Variants in EIF5 observed in about 807,000 individuals in gnomAD.
EIF5 encodes eukaryotic translation initiation factor 5.
Under a neutral mutation model 48.3 loss-of-function variants are expected in EIF5, and 10 were observed. The observed-to-expected ratio is 0.21, with a 90% CI of 0.13 to 0.35. The LOEUF is 0.35. EIF5 is among the 10% of genes least tolerant of loss of function. EIF5 has a pLI of 1.00. For missense variants in EIF5, 397 were observed against 533.2 expected (o/e 0.74, Z 2.51); for synonymous variants, 237 against 173.1 (o/e 1.37, Z -2.90).
At position 103,343,362 on chromosome 14, in the gene EIF5, CTG is replaced by C. The variant is rs1194823442; in HGVS notation, c.*2313_*2314del. 2.0e-5 allele frequency: 3 copies of C among 152,186 alleles called. No homozygotes were observed. The highest frequency in any genetic ancestry group is 4.4e-5 in the Non-Finnish European group (3 of 68,042). 9.4% of individuals were successfully genotyped at this position (152,186 alleles called of 1,614,324 possible). On this transcript the variant is annotated 3_prime_UTR_variant, in exon 12 of 12. Transcript: ENST00000216554. The stretch of plus-strand genomic sequence containing the variant: ...CACTGGCTTTATTTGCTAGTCTTGT[CTG>C]TGAACTGAGCATCTGCCTCAGTTTT...
At position 103,336,032 on chromosome 14, in the gene EIF5, T is replaced by G. The variant is rs770514754; in HGVS notation, c.73-4T>G. On this transcript the variant is annotated splice_region_variant and splice_polypyrimidine_tract_variant and intron_variant, in intron 3 of 11. Coordinates refer to ENST00000216554, the MANE Select transcript of EIF5 (RefSeq NM_001969.5). ...TGCACAACTAAAATTCTTATTTCCT[T>G]TAGGTTGAGGGCAAAGGCAATGGAA... is the stretch of plus-strand genomic sequence containing the variant. 1 of 1,614,128 alleles carries G rather than the reference T, an allele frequency of 6.2e-7. No individual in the cohort carries two copies. Among genetic ancestry groups the G allele is most frequent in the East Asian group, 2.2e-5 (1 of 44,888 alleles).
Position 103,339,698 on chromosome 14 carries a change from A to G in EIF5, c.966A>G (p.Val322=). 1.9e-6 allele frequency: 3 copies of G among 1,614,248 alleles called. No individual in the cohort carries two copies. The highest frequency in any genetic ancestry group is 2.5e-6 in the Non-Finnish European group (3 of 1,180,042). ...RYLLHGLECV[V]AMHQAQLISK... ...TTCTTCATGGTTTGGAGTGTGTGGT[A>G]GCAATGCATCAAGCTCAGCTTATCT... Residue 322 remains valine, a synonymous_variant, in exon 10 of 12, where the codon GTA becomes GTG. Transcript: ENST00000216554.
intron 10 of EIF5, 24 bp from the exon 11 acceptor site, chr14:103,340,403 G>A (rs774511837): frequency 6.3e-7 from 1 of 1,584,572 alleles, no homozygotes; most frequent in Non-Finnish European, 8.6e-7. Context: ...CCTCAACTAA[G>A]AGACTTGTAC....
At position 103,339,721 on chromosome 14, in the gene EIF5, T is replaced by C; in HGVS notation, c.989T>C (p.Ile330Thr). The change falls in exon 10 of 12, where the codon ATC (isoleucine) becomes ACC (threonine). Residue 330 changes from isoleucine to threonine, a missense_variant. By Grantham distance (89) the Ile-to-Thr change is moderately conservative. This residue lies in a region of EIF5 where 160 missense variants were observed against 184.8 expected (regional missense o/e 0.87). Coordinates refer to ENST00000216554, the MANE Select transcript of EIF5 (RefSeq NM_001969.5). ...CVVAMHQAQL[I>T]SKIPHILKEM... ...GTAGCAATGCATCAAGCTCAGCTTA[T>C]CTCCAAGATTCCACATATCTTGAAG... 1 of 1,614,216 alleles carries C rather than the reference T, an allele frequency of 6.2e-7. No homozygotes were observed. The highest frequency in any genetic ancestry group is 8.5e-7 in the Non-Finnish European group (1 of 1,180,034).
Position 103,342,568 on chromosome 14 carries a change from A to G in EIF5, c.*1516A>G, listed in dbSNP as rs2089366166. The G allele has an allele frequency of 6.6e-6, 1 of 152,350 alleles. No individual in the cohort carries two copies. Among genetic ancestry groups the G allele is most frequent in the African/African-American group, 2.4e-5 (1 of 41,446 alleles). The allele number at this position is 152,350 out of a possible 1,614,324, so 9.4% of individuals were successfully genotyped here. A position where few individuals can be genotyped will look rare whatever the true frequency, so the allele number is the denominator to read the frequency against. The stretch of plus-strand genomic sequence containing the variant: ...TTTCACAGATAATGAGACCTTAATA[A>G]CAAATAGGCGTAAAAAAATTTTCAC... On this transcript the variant is annotated 3_prime_UTR_variant, in exon 12 of 12. Coordinates refer to ENST00000216554, the MANE Select transcript of EIF5 (RefSeq NM_001969.5).
At position 103,336,946 on chromosome 14, in the gene EIF5, TAAATC is replaced by T. The variant is rs1478939206; in HGVS notation, c.327+101_327+105del. 1.0e-5 allele frequency: 15 copies of T among 1,452,282 alleles called. No homozygotes were observed. In the South Asian group the frequency reaches 1.1e-4, roughly 11 times the overall value. 90.0% of individuals were successfully genotyped at this position (1,452,282 alleles called of 1,614,324 possible). A position where few individuals can be genotyped will look rare whatever the true frequency, so the allele number is the denominator to read the frequency against. On this transcript the variant is annotated intron_variant, in intron 5 of 11. Coordinates refer to ENST00000216554, the MANE Select transcript of EIF5 (RefSeq NM_001969.5). The stretch of plus-strand genomic sequence containing the variant: ...TGAGAAGGCAGAGCAAATGTAATTT[TAAATC>T]AAACACAAAACTCCAGTTTTCGAGA...
intron 6 of EIF5, chr14:103,337,553 G>T: frequency 1.4e-5 from 5 of 355,666 alleles, no homozygotes; most frequent in Non-Finnish European, 2.1e-5. Flanking sequence ...ACTGAGCTGA[G>T]ATCGTGCCAC....
At position 103,342,206 on chromosome 14, in the gene EIF5, C is replaced by T. The variant is rs1408361183; in HGVS notation, c.*1154C>T. 1 of 152,336 alleles carries T rather than the reference C, an allele frequency of 6.6e-6. No individual in the cohort carries two copies. The highest frequency in any genetic ancestry group is 1.5e-5 in the Non-Finnish European group (1 of 68,010). 9.4% of individuals were successfully genotyped at this position (152,336 alleles called of 1,614,324 possible). On this transcript the variant is annotated 3_prime_UTR_variant, in exon 12 of 12. Transcript: ENST00000216554. ...CTAAAAGCATACTTCTAAGTCAGAG[C>T]CTCTATTTTGGTGTAAGACTTGGGA...
Position 103,343,424 on chromosome 14 carries a change from A to G in EIF5, c.*2372A>G, listed in dbSNP as rs557218562. On this transcript the variant is annotated 3_prime_UTR_variant, in exon 12 of 12. Coordinates refer to ENST00000216554, the MANE Select transcript of EIF5 (RefSeq NM_001969.5). ...AATCTTGGCAGGTGCTTAATAGGGA[A>G]CATACATACAGCTATGTAACTGTGA... 6 of 152,082 alleles carry G rather than the reference A, an allele frequency of 3.9e-5. No homozygotes were observed. Among genetic ancestry groups the G allele is most frequent in the Non-Finnish European group, 7.4e-5 (5 of 68,016 alleles). 9.4% of individuals were successfully genotyped at this position (152,082 alleles called of 1,614,324 possible).
intron 5 of EIF5, 66 bp downstream of exon 5, chr14:103,336,915 C>G: frequency 6.6e-7 from 1 of 1,521,594 alleles, no homozygotes; most frequent in Non-Finnish European, 8.8e-7. Context: ...CGCTAAGTCA[C>G]CTTCCTGAGA....
In EIF5 at chr14:103,337,103, AT is replaced by A. The variant is rs752238411; in HGVS notation, c.328-6del. On this transcript the variant is annotated splice_polypyrimidine_tract_variant and intron_variant, in intron 5 of 11. Transcript: ENST00000216554. ...TGTTATATTATGGATAACATTTGTT[AT>A]TTTTTTGGCAGCATGTCAATCCAAA... 5 of 1,602,778 alleles carry A rather than the reference AT, an allele frequency of 3.1e-6. No individual in the cohort carries two copies. The highest frequency in any genetic ancestry group is 1.7e-5 in the Admixed American group (1 of 58,278).
chr14:103,340,569 T>C lies in EIF5; in HGVS notation c.1206+8T>C, dbSNP rs576089720. 16 of 1,606,968 alleles carry C rather than the reference T, an allele frequency of 1.0e-5. No homozygotes were observed. In the African/African-American group the frequency reaches 1.9e-4, roughly 19 times the overall value. On this transcript the variant is annotated splice_region_variant and intron_variant, in intron 11 of 11. Transcript: ENST00000216554. ...GAAGATGAGAACATTGAGGTAAACATTGGGGGAGGAGGGTATTGGATACAG... is the reference window on the plus strand; with the variant it reads ...GAAGATGAGAACATTGAGGTAAACACTGGGGGAGGAGGGTATTGGATACAG...
intron 6 of EIF5, 59 bp from the exon 7 acceptor site, chr14:103,338,268 T>A: frequency 6.3e-7 from 1 of 1,579,592 alleles, no homozygotes; most frequent in South Asian, 1.2e-5. Context: ...ACGTTAATGA[T>A]GGGCAATGAG....
rs1180140675 is a variant in EIF5 at position 103,335,832 on chromosome 14, C to T, written c.-29C>T. 2 of 1,610,862 alleles carry T rather than the reference C, an allele frequency of 1.2e-6. No homozygotes were observed. Among genetic ancestry groups the T allele is most frequent in the Admixed American group, 1.7e-5 (1 of 59,896 alleles). ...AAGTTGCAATCAAAGATCTCTTCAT[C>T]TTATTGATAAAGCCACTAATAAGCC... On this transcript the variant is annotated 5_prime_UTR_variant, in exon 3 of 12. Coordinates refer to ENST00000216554, the MANE Select transcript of EIF5 (RefSeq NM_001969.5).
intron 10 of EIF5, 95 bp downstream of exon 10, chr14:103,339,898 G>C: frequency 7.2e-7 from 1 of 1,381,416 alleles, no homozygotes; most frequent in Non-Finnish European, 9.7e-7. Flanking sequence ...TCATTCTGTT[G>C]TCCAGGCAGG....
In EIF5 at chr14:103,340,525, T is replaced by C. The variant is rs1402913075; in HGVS notation, c.1170T>C (p.Ser390=). The C allele has an allele frequency of 6.2e-7, 1 of 1,613,020 alleles. No homozygotes were observed. Among genetic ancestry groups the C allele is most frequent in the Non-Finnish European group, 8.5e-7 (1 of 1,179,018 alleles). The change falls in exon 11 of 12, where the codon TCT becomes TCC. Residue 390 remains serine (S), a synonymous_variant. Transcript: ENST00000216554. The stretch of plus-strand genomic sequence containing the variant: ...TGAAGGAGGCAGAGGAAGAATCTTC[T>C]GGTGGCGAAGAAGAAGATGAAGATG... ...KWLKEAEEES[S]GGEEEDEDEN...
In EIF5 at chr14:103,344,244, A is replaced by G. The variant is rs1322284247; in HGVS notation, c.*3192A>G. 2 of 152,122 alleles carry G rather than the reference A, an allele frequency of 1.3e-5. No homozygotes were observed. The highest frequency in any genetic ancestry group is 3.9e-4 in the East Asian group (2 of 5,186). 9.4% of individuals were successfully genotyped at this position (152,122 alleles called of 1,614,324 possible). A position where few individuals can be genotyped will look rare whatever the true frequency, so the allele number is the denominator to read the frequency against. The stretch of plus-strand genomic sequence containing the variant: ...TTGGGAGCTCAGGGTGTTTATGTCC[A>G]CCTGTCTGGTCTAGCCAAACAGTTT... On this transcript the variant is annotated 3_prime_UTR_variant, in exon 12 of 12. Transcript: ENST00000216554.
At position 103,342,517 on chromosome 14, in the gene EIF5, C is replaced by T. The variant is rs1173857981; in HGVS notation, c.*1465C>T. On this transcript the variant is annotated 3_prime_UTR_variant, in exon 12 of 12. Transcript: ENST00000216554. Reference sequence around the variant, plus strand: ...TTAATTTTGGAGCAGTGGCTTATACCATTCACCTCTGTTTTTTTGTGATTA... The same window carrying T: ...TTAATTTTGGAGCAGTGGCTTATACTATTCACCTCTGTTTTTTTGTGATTA... 3 of 152,146 alleles carry T rather than the reference C, an allele frequency of 2.0e-5. No homozygotes were observed. The highest frequency in any genetic ancestry group is 2.9e-5 in the Non-Finnish European group (2 of 68,020). 9.4% of individuals were successfully genotyped at this position (152,146 alleles called of 1,614,324 possible). A position where few individuals can be genotyped will look rare whatever the true frequency, so the allele number is the denominator to read the frequency against.
intron 10 of EIF5, among the ~76,000 whole-genome samples, chr14:103,340,143 G>A (rs927629170): frequency 6.6e-5 from 10 of 152,114 alleles, no homozygotes; most frequent in African/African-American, 1.7e-4. Context: ...GAGCTCCTGC[G>A]CCCAGCCGTT....
Sources: gnomAD v4.1 joint callset for allele counts (sites outside exome capture counted in the v4.1 genomes callset) on GRCh38, gnomAD v4.1.1 for gene constraint, gnomAD v4.1.1 regional missense constraint, MANE v1.5 for transcripts, NCBI Gene and HGNC (gene_info 2026-07-23, HGNC 2026-07-21) for gene names.